CSMD1: variants seen among roughly 807,000 people sequenced by gnomAD.
CSMD1 encodes the protein CUB and sushi domain-containing protein 1.
A neutral mutation model predicts 417.5 loss-of-function variants in CSMD1; 213 were observed. The ratio of observed to expected loss-of-function variants is 0.51; its 90% CI spans 0.46 to 0.57. The LOEUF is 0.57. CSMD1 is among the 20% of genes least tolerant of loss of function. The pLI is 0.00. For missense variants in CSMD1, 6,923 were observed against 4,529.7 expected (o/e 1.53, Z -15.17); for synonymous variants, 2,862 against 1,736.8 (o/e 1.65, Z -16.11).
intron 1 of CSMD1, among the ~76,000 whole-genome samples, chr8:4,647,359 G>C (rs201473521): frequency 6.6e-6 from 1 of 151,278 alleles, no homozygotes; most frequent in East Asian, 2.0e-4. Flanking sequence ...CGTGTGCCAC[G>C]GCGGCCTGCT....
chr8:3,954,857 T>A, intron 5 of CSMD1, among the ~76,000 whole-genome samples: 1 of 152,344 alleles, frequency 6.6e-6, no homozygotes, highest in East Asian at 1.9e-4. Flanking sequence ...TGCATGTGCA[T>A]TGGAGTCTTT....
intron 1 of CSMD1, among the ~76,000 whole-genome samples, chr8:4,761,583 G>A (rs1676961): frequency 0.26 from 39,115 of 151,800 alleles, 5,442 homozygotes; most frequent in African/African-American, 0.36. Context: ...ACATAGCTGC[G>A]ATGGTTACCT....
chr8:4,785,933 G>A (rs1283658212), intron 1 of CSMD1, among the ~76,000 whole-genome samples: 1 of 152,118 alleles, frequency 6.6e-6, no homozygotes, highest in Non-Finnish European at 1.5e-5. Flanking sequence ...CCTCAGTCAT[G>A]CCCCTGAATT....
intron 2 of CSMD1, among the ~76,000 whole-genome samples, chr8:4,421,920 T>A (rs1050953368): frequency 6.6e-6 from 1 of 152,018 alleles, no homozygotes; most frequent in Admixed American, 6.6e-5. Context: ...ACTAAATAAT[T>A]GGGAGTTTCA....
At chr8:3,211,512 T>C (rs948961275) in intron 30 of CSMD1, among the ~76,000 whole-genome samples, 1 of 152,186 alleles carries the variant, frequency 6.6e-6, no homozygotes, top group Non-Finnish European at 1.5e-5. Context: ...TTGCCCTTTG[T>C]TACATCAAAA....
chr8:4,302,391 G>T (rs570091336), intron 3 of CSMD1, among the ~76,000 whole-genome samples: 6 of 152,148 alleles, frequency 3.9e-5, no homozygotes, highest in Non-Finnish European at 8.8e-5. Flanking sequence ...TCAGGCACTA[G>T]TTGAAAACCT....
intron 1 of CSMD1, among the ~76,000 whole-genome samples, chr8:4,891,968 T>C (rs1804153635): frequency 6.6e-6 from 1 of 152,054 alleles, no homozygotes; most frequent in South Asian, 2.1e-4. Context: ...CAGACATAAA[T>C]TCCAAAAGAG....
At chr8:3,911,134 G>A (rs2930371) in intron 5 of CSMD1, among the ~76,000 whole-genome samples, 1 of 151,920 alleles carries the variant, frequency 6.6e-6, no homozygotes. Context: ...CCAATCACAG[G>A]ACTCAAAGAG....
intron 55 of CSMD1, among the ~76,000 whole-genome samples, chr8:2,976,252 T>C (rs535997121): frequency 1.3e-5 from 2 of 152,158 alleles, no homozygotes; most frequent in Admixed American, 6.5e-5. Flanking sequence ...CACTAACCCA[T>C]TCTCAAAATA....
chr8:3,785,868 G>A (rs1168855895), intron 5 of CSMD1, among the ~76,000 whole-genome samples: 1 of 152,166 alleles, frequency 6.6e-6, no homozygotes, highest in African/African-American at 2.4e-5. Flanking sequence ...AATTAAAGAG[G>A]GATATGTCAT....
intron 1 of CSMD1, among the ~76,000 whole-genome samples, chr8:4,944,785 G>T (rs776247644): frequency 6.6e-6 from 1 of 152,080 alleles, no homozygotes; most frequent in East Asian, 1.9e-4. Context: ...TGGCAAACCC[G>T]CTGCACTCTT....
intron 32 of CSMD1, among the ~76,000 whole-genome samples, chr8:3,200,626 G>A (rs12545450): frequency 0.2 from 29,866 of 151,508 alleles, 3,120 homozygotes; most frequent in Non-Finnish European, 0.24. Context: ...ATAAAATGTG[G>A]AAGAGTCTGT....
At chr8:4,284,793 A>G (rs986198456) in intron 3 of CSMD1, among the ~76,000 whole-genome samples, 3 of 152,160 alleles carry the variant, frequency 2.0e-5, no homozygotes, top group Non-Finnish European at 4.4e-5. Flanking sequence ...AAAACCACAC[A>G]TATTTTACAA....
intron 3 of CSMD1, among the ~76,000 whole-genome samples, chr8:4,269,414 GC>G (rs1177546923): frequency 6.6e-6 from 1 of 152,128 alleles, no homozygotes; most frequent in African/African-American, 2.4e-5. Context: ...AGGCTGTGTA[GC>G]TTTTGATATT....
chr8:3,671,715 G>C (rs1189328708), intron 7 of CSMD1, among the ~76,000 whole-genome samples: 1 of 151,544 alleles, frequency 6.6e-6, no homozygotes, highest in African/African-American at 2.4e-5. Flanking sequence ...TATTCGTGTT[G>C]CATGCCCAGC....
chr8:3,064,909 C>T (rs912320602), intron 49 of CSMD1, among the ~76,000 whole-genome samples: 1 of 151,836 alleles, frequency 6.6e-6, no homozygotes, highest in African/African-American at 2.4e-5. Flanking sequence ...CCTTTTATTC[C>T]CAGGGTATAA....
intron 5 of CSMD1, among the ~76,000 whole-genome samples, chr8:3,955,628 T>G (rs2129925857): frequency 1.3e-5 from 2 of 152,200 alleles, no homozygotes; most frequent in South Asian, 4.1e-4. Context: ...ATCTCATCAA[T>G]AAATACCTCA....
At chr8:3,983,503 G>T (rs764930728) in intron 5 of CSMD1, among the ~76,000 whole-genome samples, 1 of 152,166 alleles carries the variant, frequency 6.6e-6, no homozygotes, top group Non-Finnish European at 1.5e-5. Flanking sequence ...TATACTTACA[G>T]GACTTGGGAC....
At chr8:3,212,108 T>C (rs1198759786) in intron 30 of CSMD1, among the ~76,000 whole-genome samples, 1 of 152,158 alleles carries the variant, frequency 6.6e-6, no homozygotes, top group Non-Finnish European at 1.5e-5. Flanking sequence ...TCAAAGGCTC[T>C]CTTTACCTCA....
Sources: allele counts gnomAD v4.1 joint callset (sites outside exome capture counted in the v4.1 genomes callset), GRCh38; gene constraint gnomAD v4.1.1; transcripts MANE v1.5; gene names NCBI Gene and HGNC (gene_info 2026-07-23, HGNC 2026-07-21).